KLHL2: variants seen among roughly 807,000 people sequenced by gnomAD.
KLHL2 encodes kelch-like protein 2.
Under a neutral mutation model 75.8 loss-of-function variants are expected in KLHL2, and 15 were observed. The ratio of observed to expected loss-of-function variants is 0.20; its 90% CI spans 0.13 to 0.30. The LOEUF (loss-of-function observed/expected upper bound fraction) is 0.30. Ranked by LOEUF, KLHL2 falls within the 10% of genes least tolerant of loss-of-function variation. The pLI is 1.00. For missense variants in KLHL2, 381 were observed against 741.0 expected (o/e 0.51, Z 5.64); for synonymous variants, 214 against 251.9 (o/e 0.85, Z 1.42).
chr4:165,277,727 A>G (rs1216740554), intron 5 of KLHL2: 16 of 566,728 alleles, frequency 2.8e-5, no homozygotes, highest in African/African-American at 3.8e-5. Context: ...AGCTGGCCCA[A>G]CCTTAACTGT....
At chr4:165,262,882 A>G (rs770939314) in intron 4 of KLHL2, among the ~76,000 whole-genome samples, 4 of 152,048 alleles carry the variant, frequency 2.6e-5, no homozygotes, top group Non-Finnish European at 5.9e-5. Flanking sequence ...CCCTGCCAAG[A>G]ATTTGTGTTT....
At position 165,306,582 on chromosome 4, in the gene KLHL2, G is replaced by T. The variant is rs887960241; in HGVS notation, c.1039+857G>T. Among the ~76,000 whole-genome samples the T allele has an allele frequency of 2.0e-5, 3 of 152,264 alleles. 1 individual carries two copies. The highest frequency in any genetic ancestry group is 6.5e-5 in the Admixed American group (1 of 15,304). ...CTCCCACTAACAGTAAAATATGAAG[G>T]TGCCAGTTTCCCTAAACTCCTGACA... On this transcript the variant is annotated intron_variant, in intron 9 of 14. Transcript: ENST00000226725.
intron 4 of KLHL2, among the ~76,000 whole-genome samples, chr4:165,252,071 T>A (rs2111172437): frequency 6.6e-6 from 1 of 152,332 alleles, no homozygotes; most frequent in African/African-American, 2.4e-5. Flanking sequence ...TAGTTTCATG[T>A]GGTACATAAA....
chr4:165,314,739 T>A (rs890427641), intron 13 of KLHL2, among the ~76,000 whole-genome samples: 2 of 152,122 alleles, frequency 1.3e-5, no homozygotes, highest in African/African-American at 4.8e-5. Flanking sequence ...ACTTCAAGAT[T>A]AGGGAACTAA....
chr4:165,276,573 G>A (rs372484928), intron 5 of KLHL2, among the ~76,000 whole-genome samples: 1 of 151,542 alleles, frequency 6.6e-6, no homozygotes. Flanking sequence ...AAAGATTGAC[G>A]TTAAGAAGCT....
chr4:165,215,466 T>C (rs972331793), intron 1 of KLHL2, among the ~76,000 whole-genome samples: 1 of 152,164 alleles, frequency 6.6e-6, no homozygotes, highest in Non-Finnish European at 1.5e-5. Flanking sequence ...TATAAAGTAA[T>C]GGAGAAACCT....
intron 11 of KLHL2, among the ~76,000 whole-genome samples, chr4:165,312,899 A>G (rs56245360): frequency 0.25 from 37,852 of 152,092 alleles, 5,402 homozygotes; most frequent in Non-Finnish European, 0.33. Flanking sequence ...ATTTCCTAAG[A>G]TAACTTTGGT....
intron 1 of KLHL2, chr4:165,210,143 A>G (rs1182536343): frequency 1.3e-6 from 2 of 1,551,688 alleles, no homozygotes; most frequent in African/African-American, 1.4e-5. Flanking sequence ...AAAGTGCCTT[A>G]TGGTATGGTT....
At position 165,316,253 on chromosome 4, in the gene KLHL2, A is replaced by C. The variant is rs149640037; in HGVS notation, c.1610-1573A>C. On this transcript the variant is annotated intron_variant, in intron 13 of 14. Coordinates refer to ENST00000226725, the MANE Select transcript of KLHL2 (RefSeq NM_007246.4). ...GAGCCCCTCATAGATATGATTGGGA[A>C]AACTCTTTAGAACAATATAGTCTCC... Among the ~76,000 whole-genome samples, 766 of 152,312 alleles carry C rather than the reference A, an allele frequency of 5.0e-3. 6 individuals are homozygous for C. Among genetic ancestry groups the C allele is most frequent in the East Asian group, 0.033 (172 of 5,176 alleles).
chr4:165,309,567 A>G (rs1745993560), intron 9 of KLHL2, among the ~76,000 whole-genome samples: 1 of 152,190 alleles, frequency 6.6e-6, no homozygotes, highest in Non-Finnish European at 1.5e-5. Flanking sequence ...CTTCTTATCT[A>G]CTGCTATAGT....
At position 165,322,057 on chromosome 4, in the gene KLHL2, A is replaced by G. The variant is rs1311888133; in HGVS notation, c.1779A>G (p.Leu593=). The change falls in exon 15 of 15, where the codon TTA becomes TTG. Residue 593 remains leucine (L), a synonymous_variant. Transcript: ENST00000226725. ...GGGTCACAGTTATTGATAAACCATT[A>G]TGAGCCTGAAGGACATTTTCAGCAT... ...YAGVTVIDKP[L] 6.2e-7 allele frequency: 1 copy of G among 1,613,454 alleles called. No homozygotes were observed. Among genetic ancestry groups the G allele is most frequent in the African/African-American group, 1.3e-5 (1 of 75,018 alleles).
intron 4 of KLHL2, among the ~76,000 whole-genome samples, chr4:165,260,349 CA>C (rs1179344129): frequency 2.6e-5 from 4 of 151,774 alleles, no homozygotes; most frequent in South Asian, 2.1e-4. Flanking sequence ...TCACTGTCAT[CA>C]AAAAAAATTA....
At chr4:165,218,407 A>G (rs891004936) in intron 1 of KLHL2, among the ~76,000 whole-genome samples, 8 of 152,018 alleles carry the variant, frequency 5.3e-5, no homozygotes, top group East Asian at 1.9e-4. Flanking sequence ...TGTAGTTACT[A>G]CTTCCATCCG....
intron 5 of KLHL2, among the ~76,000 whole-genome samples, chr4:165,285,833 C>T (rs1377752979): frequency 1.3e-5 from 2 of 152,040 alleles, no homozygotes; most frequent in Admixed American, 1.3e-4. Context: ...CTTCATTCAT[C>T]CTTGGAATCA....
At chr4:165,291,830 T>G (rs1420371415) in intron 5 of KLHL2, among the ~76,000 whole-genome samples, 1 of 152,092 alleles carries the variant, frequency 6.6e-6, no homozygotes, top group Non-Finnish European at 1.5e-5. Context: ...TACTTTATTT[T>G]TAATTTTTTT....
intron 4 of KLHL2, among the ~76,000 whole-genome samples, chr4:165,262,153 G>A (rs1476274114): frequency 1.3e-5 from 2 of 152,150 alleles, no homozygotes; most frequent in Admixed American, 6.5e-5. Flanking sequence ...CACTTGTAGT[G>A]TTGGATATAG....
chr4:165,264,626 A>G (rs1313363745), intron 5 of KLHL2, among the ~76,000 whole-genome samples: 1 of 144,446 alleles, frequency 6.9e-6, no homozygotes, highest in African/African-American at 2.5e-5. Context: ...ACGTACGTAT[A>G]TACACGTATA....
At chr4:165,211,401 G>A (rs1257229230) in intron 1 of KLHL2, among the ~76,000 whole-genome samples, 4 of 152,116 alleles carry the variant, frequency 2.6e-5, no homozygotes, top group African/African-American at 9.7e-5. Context: ...TCCTCATTTT[G>A]ACATAGATCA....
chr4:165,210,109 G>C, intron 1 of KLHL2: 1 of 1,551,706 alleles, frequency 6.4e-7, no homozygotes, highest in Non-Finnish European at 8.7e-7. Context: ...TGAGCTTTAA[G>C]TCAAAGAAAG....
Sources: allele counts gnomAD v4.1 joint callset (sites outside exome capture counted in the v4.1 genomes callset), GRCh38; gene constraint gnomAD v4.1.1; transcripts MANE v1.5; gene names NCBI Gene and HGNC (gene_info 2026-07-23, HGNC 2026-07-21).